The following KCNQ4 variants were observed in gnomAD, a reference collection of about 807,000 sequenced individuals.
KCNQ4 encodes the protein potassium voltage-gated channel subfamily Q member 4.
In KCNQ4, 31 loss-of-function variants were observed where a neutral mutation model predicts 72.6. The observed-to-expected ratio is 0.43, with a 90% CI of 0.32 to 0.58. The LOEUF (loss-of-function observed/expected upper bound fraction) is 0.58, where lower values mean the gene tolerates loss of function less well. KCNQ4 is among the 20% of genes least tolerant of loss of function. The pLI is 0.08. For synonymous variants in KCNQ4, 405 were observed against 403.7 expected, an observed-to-expected ratio of 1.00 and a Z score of -0.04; for missense variants, 869 against 962.6, an observed-to-expected ratio of 0.90 and a Z score of 1.29.
chr1:40,796,204 G>C (rs1647404084), intron 1 of KCNQ4, among the ~76,000 whole-genome samples: 1 of 152,110 alleles, frequency 6.6e-6, no homozygotes, highest in Non-Finnish European at 1.5e-5. Context: ...AGGGGCACCG[G>C]GTTGGGGTCG....
At chr1:40,835,914 TGA>T (rs1648794192) in intron 12 of KCNQ4, among the ~76,000 whole-genome samples, 1 of 150,848 alleles carries the variant, frequency 6.6e-6, no homozygotes, top group African/African-American at 2.4e-5. Context: ...TGCACTGGAG[TGA>T]GAGGTAGGAG....
intron 1 of KCNQ4, among the ~76,000 whole-genome samples, chr1:40,796,962 G>T (rs796267358): frequency 2.1e-5 from 3 of 144,348 alleles, no homozygotes; most frequent in African/African-American, 7.6e-5. Context: ...ACAGTTCAAG[G>T]TCCTGCTCCC....
At chr1:40,802,786 G>C (rs891566574) in intron 1 of KCNQ4, among the ~76,000 whole-genome samples, 2 of 152,176 alleles carry the variant, frequency 1.3e-5, no homozygotes, top group African/African-American at 2.4e-5. Flanking sequence ...CCCCTCTGTA[G>C]GTTCACCCAG....
In KCNQ4 at chr1:40,833,027, G is replaced by A. The variant is rs756998222; in HGVS notation, c.1527G>A (p.Glu509=). The stretch of plus-strand genomic sequence containing the variant: ...CTGCCTTTTCAGATGCCCCCTCAGA[G>A]GAAGTAGCAGAGGAGAAGAGCTACC... The part of the protein sequence containing the change: ...PRTSAEDAPS[E]EVAEEKSYQC... The change falls in exon 11 of 14, where the codon GAG becomes GAA. Residue 509 remains glutamate (E), a synonymous_variant. Transcript: ENST00000347132. 16 of 1,613,260 alleles carry A rather than the reference G, an allele frequency of 9.9e-6. No homozygotes were observed. The East Asian group carries it at 2.2e-4, about 22-fold the overall frequency.
Position 40,817,179 on chromosome 1 carries a change from C to T in KCNQ4, c.315-86C>T. On this transcript the variant is annotated intron_variant, in intron 1 of 13. Coordinates refer to ENST00000347132, the MANE Select transcript of KCNQ4 (RefSeq NM_004700.4). This position sits in a 1 kb window ranked among gnomAD's most constrained non-coding sequence, Gnocchi z 5.5. Reference sequence around the variant, plus strand: ...TTTTCTGAAAATAATGTTCTCCTCTCTTGGCTCTGTAACCCCCTGCCAGGG... The same window carrying T: ...TTTTCTGAAAATAATGTTCTCCTCTTTTGGCTCTGTAACCCCCTGCCAGGG... The T allele has an allele frequency of 1.0e-6, 1 of 1,005,014 alleles. No homozygotes were observed. The highest frequency in any genetic ancestry group is 1.6e-6 in the Non-Finnish European group (1 of 639,594). The allele number at this position is 1,005,014 out of a possible 1,614,324, so 62.3% of individuals were successfully genotyped here. A position where few individuals can be genotyped will look rare whatever the true frequency, so the allele number is the denominator to read the frequency against.
chr1:40,832,358 C>T (rs1648675573), intron 10 of KCNQ4, among the ~76,000 whole-genome samples: 1 of 152,162 alleles, frequency 6.6e-6, no homozygotes, highest in African/African-American at 2.4e-5. Context: ...CCCCATAGAC[C>T]AGTCTTTGAG....
At chr1:40,838,044 C>G (rs920664325) in intron 13 of KCNQ4, among the ~76,000 whole-genome samples, 1 of 151,938 alleles carries the variant, frequency 6.6e-6, no homozygotes, top group Non-Finnish European at 1.5e-5. Flanking sequence ...TCAGTTCCCC[C>G]TACTCCATTT....
chr1:40,799,483 A>G (rs1297790324), intron 1 of KCNQ4, among the ~76,000 whole-genome samples: 1 of 152,082 alleles, frequency 6.6e-6, no homozygotes, highest in Non-Finnish European at 1.5e-5. Flanking sequence ...GAGACAAGAA[A>G]ACATCTTGGT....
At chr1:40,791,074 C>G (rs1475810866) in intron 1 of KCNQ4, among the ~76,000 whole-genome samples, 2 of 152,080 alleles carry the variant, frequency 1.3e-5, no homozygotes, top group Non-Finnish European at 2.9e-5. Context: ...GGCACTCCCC[C>G]ACTCTCTCCT....
intron 1 of KCNQ4, among the ~76,000 whole-genome samples, chr1:40,785,186 G>A (rs1295090792): frequency 6.6e-6 from 1 of 152,188 alleles, no homozygotes; most frequent in Non-Finnish European, 1.5e-5. Context: ...CGCTGCTGGG[G>A]CCCCCTCCTC....
At chr1:40,790,548 C>T (rs1168883813) in intron 1 of KCNQ4, among the ~76,000 whole-genome samples, 1 of 152,172 alleles carries the variant, frequency 6.6e-6, no homozygotes, top group Non-Finnish European at 1.5e-5. Context: ...TACATTCTCT[C>T]GTGTAACGCT....
At chr1:40,789,130 G>A (rs930846683) in intron 1 of KCNQ4, among the ~76,000 whole-genome samples, 2 of 152,186 alleles carry the variant, frequency 1.3e-5, no homozygotes, top group African/African-American at 4.8e-5. Context: ...CCACCTTGGA[G>A]GGCAGCCTCA....
At chr1:40,837,840 T>A in intron 13 of KCNQ4, 46 bp downstream of exon 13, 1 of 1,579,632 alleles carries the variant, frequency 6.3e-7, no homozygotes, top group Non-Finnish European at 8.6e-7. Flanking sequence ...CAAGAAGCTC[T>A]GGGGGCCGCG....
At chr1:40,802,540 G>C (rs907913082) in intron 1 of KCNQ4, among the ~76,000 whole-genome samples, 3 of 151,876 alleles carry the variant, frequency 2.0e-5, no homozygotes, top group African/African-American at 7.2e-5. Context: ...CCCCCGGCAT[G>C]CCCCGCCCAT....
intron 1 of KCNQ4, among the ~76,000 whole-genome samples, chr1:40,812,689 C>T (rs934103613): frequency 1.3e-5 from 2 of 152,142 alleles, no homozygotes; most frequent in Admixed American, 6.5e-5. Flanking sequence ...AAGCAGCGTC[C>T]GCCAAATGGA....
chr1:40,784,258 C>A lies in KCNQ4; in HGVS notation c.165C>A (p.Gly55=), dbSNP rs1249060842. The change falls in exon 1 of 14, where the codon GGC becomes GGA. Residue 55 remains glycine, a synonymous_variant. Transcript: ENST00000347132. The surrounding 1 kb of genome is among the most constrained non-coding windows in gnomAD (Gnocchi z 4.1). The stretch of plus-strand genomic sequence containing the variant: ...TCCTGGGCAGCCCCCTGCCGCCGGG[C>A]GCGCCCCTCCCTGGGCCGGGCTCCG... The part of the protein sequence containing the change: ...LGLLGSPLPP[G]APLPGPGSGS... The A allele has an allele frequency of 2.8e-6, 4 of 1,405,026 alleles. No individual in the cohort carries two copies. In the South Asian group the frequency reaches 4.6e-5, roughly 16 times the overall value. 87.0% of individuals were successfully genotyped at this position (1,405,026 alleles called of 1,614,324 possible). A position where few individuals can be genotyped will look rare whatever the true frequency, so the allele number is the denominator to read the frequency against.
intron 1 of KCNQ4, among the ~76,000 whole-genome samples, chr1:40,786,903 T>G (rs1345287325): frequency 6.6e-6 from 1 of 152,164 alleles, no homozygotes; most frequent in East Asian, 1.9e-4. Context: ...CTGCAGGGTC[T>G]TGCCAGGAAG....
rs1647932038 is a variant in KCNQ4, at chr1:40,811,664, G to A, written c.315-5601G>A. ...ATGGGATGGGGAGATGGGGGAAATG[G>A]AGAGGAAAGGTTGGATAAGCCTTGT... On this transcript the variant is annotated intron_variant, in intron 1 of 13. Transcript: ENST00000347132. 2.0e-5 allele frequency among the ~76,000 whole-genome samples: 3 copies of A among 152,346 alleles called. No homozygotes were observed. The South Asian group carries it at 6.2e-4, about 32-fold the overall frequency.
chr1:40,800,890 G>A (rs1022110288), intron 1 of KCNQ4, among the ~76,000 whole-genome samples: 4 of 152,240 alleles, frequency 2.6e-5, no homozygotes, highest in African/African-American at 9.6e-5. Context: ...GATCATGGAT[G>A]GATGAGGTGG....
Sources: gnomAD v4.1 joint callset for allele counts (sites outside exome capture counted in the v4.1 genomes callset) on GRCh38, gnomAD v4.1.1 for gene constraint, Gnocchi (gnomAD v3.1) non-coding constraint, MANE v1.5 for transcripts, NCBI Gene and HGNC (gene_info 2026-07-23, HGNC 2026-07-21) for gene names.